SMG6: variants seen among roughly 807,000 people sequenced by gnomAD.
SMG6 encodes the protein SMG6 nonsense mediated mRNA decay factor.
A neutral mutation model predicts 142.2 loss-of-function variants in SMG6; 66 were observed. The ratio of observed to expected loss-of-function variants is 0.46; its 90% CI spans 0.38 to 0.57. The LOEUF (loss-of-function observed/expected upper bound fraction) is 0.57. Among genes scored for constraint, SMG6 ranks in the 20% least tolerant of loss-of-function variants. The pLI, the probability that SMG6 is intolerant of heterozygous loss-of-function variation, is 0.00. For missense variants in SMG6, 1,793 were observed against 1,832.0 expected (o/e 0.98, Z 0.39); for synonymous variants, 779 against 702.4 (o/e 1.11, Z -1.72).
chr17:2,299,771 C>G lies in SMG6; in HGVS notation c.982G>C (p.Glu328Gln), dbSNP rs765008351. Residue 328 changes from glutamate to glutamine, a missense_variant, in exon 2 of 19, where the codon GAA (glutamate) becomes CAA (glutamine). Glu to Gln is a conservative substitution (Grantham distance 29). Around this residue, in one of 3 missense-constraint regions of SMG6, gnomAD observed 1,597 missense variants for 1,584.6 expected, o/e 1.01. Transcript: ENST00000263073. This position sits in a 1 kb window ranked among gnomAD's most constrained non-coding sequence, Gnocchi z 4.3. ...RRSSERKRHL[E>Q]RNWSGRGEGE... ...TCCCCACGGCCAGACCAGTTTCTTT[C>G]TAAATGTCTCTTCCTTTCTGAACTT... The G allele has an allele frequency of 6.2e-7, 1 of 1,614,194 alleles. No homozygotes were observed.
chr17:2,283,244 GTATT>G (rs2074830507), intron 7 of SMG6, among the ~76,000 whole-genome samples: 1 of 152,266 alleles, frequency 6.6e-6, no homozygotes, highest in East Asian at 1.9e-4. Flanking sequence ...CACCTCACCG[GTATT>G]TATTTGACAA....
At chr17:2,119,185 A>G (rs777601683) in intron 13 of SMG6, among the ~76,000 whole-genome samples, 4 of 150,958 alleles carry the variant, frequency 2.6e-5, no homozygotes, top group Non-Finnish European at 5.9e-5. Context: ...AGCCTCCCAA[A>G]TAGCTGGGAT....
At chr17:2,090,029 C>CA (rs1304380413) in intron 13 of SMG6, among the ~76,000 whole-genome samples, 12 of 151,572 alleles carry the variant, frequency 7.9e-5, no homozygotes, top group Non-Finnish European at 1.5e-5. Flanking sequence ...ACTAAAAATA[C>CA]AAAAATCAGC....
intron 10 of SMG6, among the ~76,000 whole-genome samples, chr17:2,203,368 C>T (rs948688256): frequency 1.3e-5 from 2 of 152,126 alleles, no homozygotes; most frequent in African/African-American, 4.8e-5. Flanking sequence ...AGTAATGGGG[C>T]CCAGGAGAAC....
At chr17:2,116,858 A>G (rs1490628424) in intron 13 of SMG6, among the ~76,000 whole-genome samples, 2 of 128,958 alleles carry the variant, frequency 1.6e-5, no homozygotes, top group African/African-American at 3.3e-5. Context: ...AAAACACCCT[A>G]TAAATCAGTA....
chr17:2,299,980 C>A lies in SMG6; in HGVS notation c.773G>T (p.Ser258Ile). The A allele has an allele frequency of 6.2e-7, 1 of 1,614,094 alleles. No individual in the cohort carries two copies. The highest frequency in any genetic ancestry group is 8.5e-7 in the Non-Finnish European group (1 of 1,180,026). Residue 258 changes from serine to isoleucine, a missense_variant, in exon 2 of 19, where the codon AGC (serine) becomes ATC (isoleucine). Ser to Ile is a moderately radical substitution (Grantham distance 142). Coordinates refer to ENST00000263073, the MANE Select transcript of SMG6 (RefSeq NM_017575.5). This position sits in a 1 kb window ranked among gnomAD's most constrained non-coding sequence, Gnocchi z 4.3. ...DKRRNRYRTR[S>I]TSSAGSNNSA... is the part of the protein sequence containing the mutation. ...GTTGTTGCTGCCAGCTGAGCTGGTG[C>A]TGCGCGTGCGGTAGCGATTCCTTCG... is the stretch of plus-strand genomic sequence containing the variant.
chr17:2,232,776 T>G (rs1304422616), intron 10 of SMG6: 1 of 152,144 alleles, frequency 6.6e-6, no homozygotes, highest in East Asian at 1.9e-4. Context: ...GTTGGTTAAA[T>G]AATGTGGCAT....
At chr17:2,130,624 C>G (rs2070088103) in intron 13 of SMG6, among the ~76,000 whole-genome samples, 1 of 151,436 alleles carries the variant, frequency 6.6e-6, no homozygotes, top group Admixed American at 6.6e-5. Context: ...AAAACTAAAA[C>G]TTTTAGAAGA....
At chr17:2,178,197 C>T (rs1247674916) in intron 12 of SMG6, among the ~76,000 whole-genome samples, 2 of 152,046 alleles carry the variant, frequency 1.3e-5, no homozygotes, top group African/African-American at 4.8e-5. Context: ...CTCAAGAGGC[C>T]CTGGGCTGGG....
chr17:2,252,357 G>A (rs1403234510), intron 8 of SMG6, among the ~76,000 whole-genome samples: 1 of 150,634 alleles, frequency 6.6e-6, no homozygotes, highest in Non-Finnish European at 1.5e-5. Context: ...CCAAGATGGC[G>A]CCACTGCATT....
chr17:2,120,370 A>G (rs2069649063), intron 13 of SMG6, among the ~76,000 whole-genome samples: 1 of 152,202 alleles, frequency 6.6e-6, no homozygotes, highest in African/African-American at 2.4e-5. Flanking sequence ...AGAAAATGGG[A>G]GGAAGATGTG....
chr17:2,300,728 G>A, intron 1 of SMG6, 64 bp from the exon 2 acceptor site: 1 of 1,407,724 alleles, frequency 7.1e-7, no homozygotes. Flanking sequence ...AAGGAAGATA[G>A]GGGAAAGACT....
At position 2,299,850 on chromosome 17, in the gene SMG6, G is replaced by A. The variant is rs373371205; in HGVS notation, c.903C>T (p.Thr301=). 19 of 1,613,958 alleles carry A rather than the reference G, an allele frequency of 1.2e-5. No homozygotes were observed. The highest frequency in any genetic ancestry group is 3.3e-5 in the South Asian group (3 of 91,082). ...CAATTCTGTCCTCGTCTAAGGAATC[G>A]GTTGAGGACACAGACACTTGCTTCT... The part of the protein sequence containing the change: ...RLKKQVSVSS[T]DSLDEDRIDE... The change falls in exon 2 of 19, where the codon ACC becomes ACT. Residue 301 remains threonine, a synonymous_variant. Transcript: ENST00000263073. The surrounding 1 kb of genome is among the most constrained non-coding windows in gnomAD (Gnocchi z 4.3).
chr17:2,265,243 G>A (rs2074395578), intron 8 of SMG6, among the ~76,000 whole-genome samples: 2 of 152,122 alleles, frequency 1.3e-5, no homozygotes, highest in African/African-American at 2.4e-5. Flanking sequence ...CTGTCGGCCG[G>A]GCACAGTGGC....
intron 8 of SMG6, among the ~76,000 whole-genome samples, chr17:2,276,134 G>C (rs2074643188): frequency 6.6e-6 from 1 of 152,180 alleles, no homozygotes; most frequent in Non-Finnish European, 1.5e-5. Flanking sequence ...TTTTGAAAAT[G>C]AGAATTTGTT....
intron 13 of SMG6, among the ~76,000 whole-genome samples, chr17:2,153,960 G>A (rs1285272987): frequency 7.0e-6 from 1 of 142,576 alleles, no homozygotes; most frequent in Admixed American, 7.0e-5. Flanking sequence ...GACGGTGACT[G>A]GGGAACCTGG....
At chr17:2,084,652 C>T (rs1030179364) in intron 14 of SMG6, among the ~76,000 whole-genome samples, 4 of 152,202 alleles carry the variant, frequency 2.6e-5, no homozygotes, top group African/African-American at 7.2e-5. Flanking sequence ...CTCTACCGGG[C>T]GCTTGAGACT....
At chr17:2,103,447 C>A (rs910902957) in intron 13 of SMG6, among the ~76,000 whole-genome samples, 1 of 152,240 alleles carries the variant, frequency 6.6e-6, no homozygotes, top group Non-Finnish European at 1.5e-5. Flanking sequence ...TAGCACAGAG[C>A]TCCCCTCTGG....
intron 13 of SMG6, among the ~76,000 whole-genome samples, chr17:2,168,010 G>A (rs1450795015): frequency 1.3e-5 from 2 of 152,002 alleles, no homozygotes; most frequent in Non-Finnish European, 2.9e-5. Context: ...TGGGACTACA[G>A]GCGCTTGCCA....
Sources: allele counts gnomAD v4.1 joint callset (sites outside exome capture counted in the v4.1 genomes callset), GRCh38; gene constraint gnomAD v4.1.1; regional missense constraint gnomAD v4.1.1; non-coding constraint Gnocchi (gnomAD v3.1); transcripts MANE v1.5; gene names NCBI Gene and HGNC (gene_info 2026-07-23, HGNC 2026-07-21).